Variants in ARHGAP6 observed in about 807,000 individuals in gnomAD.
ARHGAP6 encodes Rho GTPase activating protein 6, also known as rho GTPase-activating protein 6.
ARHGAP6 carries 16 observed loss-of-function variants against 55.7 expected under a neutral mutation model. The observed-to-expected ratio is 0.29, with a 90% CI of 0.19 to 0.44. The LOEUF (loss-of-function observed/expected upper bound fraction) is 0.44, where lower values mean the gene tolerates loss of function less well. Ranked by LOEUF, ARHGAP6 falls within the 20% of genes least tolerant of loss-of-function variation. ARHGAP6 has a pLI of 1.00. For synonymous variants in ARHGAP6, 382 were observed against 360.9 expected, an observed-to-expected ratio of 1.06 and a Z score of -0.66; for missense variants, 698 against 808.9, an observed-to-expected ratio of 0.86 and a Z score of 1.66.
At chrX:11,312,628 G>C (rs999181466) in intron 1 of ARHGAP6, among the ~76,000 whole-genome samples, 2 of 111,344 alleles carry the variant, frequency 1.8e-5, no homozygotes, top group African/African-American at 6.6e-5. Flanking sequence ...TGTTTACAAA[G>C]CATTTATCAC....
chrX:11,321,667 T>C (rs1408306506), intron 1 of ARHGAP6, among the ~76,000 whole-genome samples: 2 of 111,629 alleles, frequency 1.8e-5, no homozygotes, highest in African/African-American at 6.5e-5. Flanking sequence ...ATGCATAGTT[T>C]AGCCACAGCC....
chrX:11,320,471 G>T (rs1228397790), intron 1 of ARHGAP6, among the ~76,000 whole-genome samples: 1 of 111,287 alleles, frequency 9.0e-6, no homozygotes, highest in Admixed American at 9.6e-5. Flanking sequence ...GAGAAACAAA[G>T]GTTATATCTC....
Position 11,227,877 on chromosome X carries a change from G to A in ARHGAP6, c.748+26671C>T. 3.7e-5 allele frequency among the ~76,000 whole-genome samples: 4 copies of A among 108,698 alleles called. No homozygotes were observed. The South Asian group carries it at 1.6e-3, about 44-fold the overall frequency. 94.4% of individuals were successfully genotyped at this position (108,698 alleles called of 115,157 possible). ...TCTCCATTTTTGGCTACATGTCCGA[G>A]TGAGTTGCTCTTCCATAGCAGTAAC... On this transcript the variant is annotated intron_variant, in intron 2 of 12. Coordinates refer to ENST00000337414, the MANE Select transcript of ARHGAP6 (RefSeq NM_013427.3).
In ARHGAP6 at chrX:11,254,715, C is replaced by A; in HGVS notation, c.589-8G>T. 1.1e-6 allele frequency: 1 copy of A among 918,884 alleles called. No individual in the cohort carries two copies. Among genetic ancestry groups the A allele is most frequent in the Admixed American group, 5.7e-5 (1 of 17,522 alleles). The allele number at this position is 918,884 out of a possible 1,213,427, so 75.7% of individuals were successfully genotyped here. Reference sequence around the variant, plus strand: ...GTTCCAGGTGAAATCACCCTGTAGGCCAAAAAAAAAAAAAAAAAAAAAATC... The same window carrying A: ...GTTCCAGGTGAAATCACCCTGTAGGACAAAAAAAAAAAAAAAAAAAAAATC... On this transcript the variant is annotated splice_region_variant and splice_polypyrimidine_tract_variant and intron_variant, in intron 1 of 12. Transcript: ENST00000337414.
In ARHGAP6 at chrX:11,491,271, G is replaced by T. The variant is rs1026209184; in HGVS notation, c.588+172970C>A. The stretch of plus-strand genomic sequence containing the variant: ...TAGGGTACATGCACACAATGTGCAG[G>T]TTACATATGCATACATGTGCCATGC... On this transcript the variant is annotated intron_variant, in intron 1 of 12. Transcript: ENST00000337414. Among the ~76,000 whole-genome samples, 3 of 111,133 alleles carry T rather than the reference G, an allele frequency of 2.7e-5. No homozygotes were observed. The Admixed American group carries it at 2.9e-4, about 11-fold the overall frequency.
At chrX:11,415,452 G>T (rs371439649) in intron 1 of ARHGAP6, among the ~76,000 whole-genome samples, 1 of 111,987 alleles carries the variant, frequency 8.9e-6, no homozygotes, top group Non-Finnish European at 1.9e-5. Flanking sequence ...ACTCACTGAC[G>T]AAACAGAAAA....
chrX:11,152,443 C>A (rs930645138), intron 10 of ARHGAP6, among the ~76,000 whole-genome samples: 1 of 111,801 alleles, frequency 8.9e-6, no homozygotes, highest in Non-Finnish European at 1.9e-5. Context: ...GACTTAAGCA[C>A]CACCCCTCAG....
chrX:11,335,902 C>T (rs755429082), intron 1 of ARHGAP6: 4 of 155,593 alleles, frequency 2.6e-5, no homozygotes, highest in South Asian at 1.3e-4. Flanking sequence ...GGAGCAGGGC[C>T]GGGTCATGGT....
intron 1 of ARHGAP6, among the ~76,000 whole-genome samples, chrX:11,442,376 A>C (rs1446993800): frequency 9.0e-6 from 1 of 110,920 alleles, no homozygotes; most frequent in Non-Finnish European, 1.9e-5. Flanking sequence ...TCCTTTTGTA[A>C]AATCTAAAAT....
intron 1 of ARHGAP6, among the ~76,000 whole-genome samples, chrX:11,278,089 G>T (rs1480270825): frequency 9.0e-6 from 1 of 111,511 alleles, no homozygotes; most frequent in Non-Finnish European, 1.9e-5. Flanking sequence ...TGGCTCTACA[G>T]AACACGACCC....
intron 1 of ARHGAP6, among the ~76,000 whole-genome samples, chrX:11,476,113 A>G (rs760753597): frequency 9.0e-4 from 100 of 110,701 alleles, no homozygotes; most frequent in Non-Finnish European, 1.5e-3. Context: ...TTTTCCCAGA[A>G]AAGACAATCA....
intron 1 of ARHGAP6, among the ~76,000 whole-genome samples, chrX:11,329,777 C>T (rs2048540196): frequency 8.9e-6 from 1 of 112,378 alleles, no homozygotes; most frequent in Non-Finnish European, 1.9e-5. Flanking sequence ...CACAAACCTA[C>T]TACACACCTA....
At chrX:11,351,979 A>G (rs903407181) in intron 1 of ARHGAP6, among the ~76,000 whole-genome samples, 7 of 112,587 alleles carry the variant, frequency 6.2e-5, no homozygotes, top group African/African-American at 2.3e-4. Flanking sequence ...AGAGAAACAT[A>G]AGGCAAGTCC....
intron 1 of ARHGAP6, among the ~76,000 whole-genome samples, chrX:11,326,132 T>TTTC (rs1491204967): frequency 0.024 from 24 of 988 alleles, 1 homozygote; most frequent in East Asian, 0.053. Context: ...TCTTTCTTTC[T>TTTC]TTTTTTTTTT....
At chrX:11,507,597 C>T (rs2050746938) in intron 1 of ARHGAP6, among the ~76,000 whole-genome samples, 2 of 112,204 alleles carry the variant, frequency 1.8e-5, no homozygotes, top group Non-Finnish European at 3.8e-5. Context: ...TAGAAAGAAA[C>T]TGAGGCTTCT....
Position 11,223,108 on chromosome X carries a change from AACT to A in ARHGAP6, c.749-26115_749-26113del, listed in dbSNP as rs763505381. ...ATATTGATTTCAATATCTGCAAATA[AACT>A]ACTTTTCAACATTAATTTTTAATGC... is the stretch of plus-strand genomic sequence containing the variant. On this transcript the variant is annotated intron_variant, in intron 2 of 12. Coordinates refer to ENST00000337414, the MANE Select transcript of ARHGAP6 (RefSeq NM_013427.3). 359 of 161,557 alleles carry A rather than the reference AACT, an allele frequency of 2.2e-3. 1 individual carries two copies. Among genetic ancestry groups the A allele is most frequent in the African/African-American group, 0.011 (345 of 31,342 alleles). The allele number at this position is 161,557 out of a possible 1,213,427, so 13.3% of individuals were successfully genotyped here. A position where few individuals can be genotyped will look rare whatever the true frequency, so the allele number is the denominator to read the frequency against.
At chrX:11,268,885 T>C (rs747078853) in intron 1 of ARHGAP6, among the ~76,000 whole-genome samples, 18 of 111,523 alleles carry the variant, frequency 1.6e-4, no homozygotes, top group Non-Finnish European at 3.2e-4. Flanking sequence ...TTTGCATTCA[T>C]AGGACCCTTG....
At chrX:11,347,066 A>G (rs2048798736) in intron 1 of ARHGAP6, among the ~76,000 whole-genome samples, 1 of 112,461 alleles carries the variant, frequency 8.9e-6, no homozygotes, top group Admixed American at 9.4e-5. Context: ...GCCATTTCCT[A>G]GAGTAAGACT....
chrX:11,354,325 C>CTATATATA (rs1221987760), intron 1 of ARHGAP6, among the ~76,000 whole-genome samples: 59 of 47,555 alleles, frequency 1.2e-3, no homozygotes, highest in Admixed American at 1.3e-3. Flanking sequence ...CTCTCTCTCT[C>CTATATATA]TCTATATATA....
Sources: allele counts gnomAD v4.1 joint callset (sites outside exome capture counted in the v4.1 genomes callset), GRCh38; gene constraint gnomAD v4.1.1; transcripts MANE v1.5; gene names NCBI Gene and HGNC (gene_info 2026-07-23, HGNC 2026-07-21).